The following PTPN4 variants were observed in gnomAD, a reference collection of about 807,000 sequenced individuals.
PTPN4 encodes the protein protein tyrosine phosphatase non-receptor type 4, also known as tyrosine-protein phosphatase non-receptor type 4.
Under a neutral mutation model 135.5 loss-of-function variants are expected in PTPN4, and 49 were observed. That is an observed-to-expected ratio of 0.36 (90% CI 0.29 to 0.46). The LOEUF (loss-of-function observed/expected upper bound fraction) is 0.46. PTPN4 is among the 20% of genes least tolerant of loss of function. The probability of loss-of-function intolerance (pLI) is 1.00; values close to 1 mark genes in which losing one functional copy is unlikely to be tolerated. For synonymous variants in PTPN4, 333 were observed against 369.9 expected (o/e 0.90, Z 1.14); for missense variants, 860 against 1,101.0 (o/e 0.78, Z 3.10).
At chr2:119,871,619 G>A (rs925571319) in intron 3 of PTPN4, among the ~76,000 whole-genome samples, 1 of 152,104 alleles carries the variant, frequency 6.6e-6, no homozygotes, top group Non-Finnish European at 1.5e-5. Context: ...TATGTGAACA[G>A]AGGCTACCTC....
At chr2:119,943,680 G>A (rs1679094058) in intron 15 of PTPN4, among the ~76,000 whole-genome samples, 2 of 134,962 alleles carry the variant, frequency 1.5e-5, no homozygotes, top group Admixed American at 1.8e-4. Flanking sequence ...CCGCCTCCCA[G>A]GTTCACGCCA....
intron 2 of PTPN4, among the ~76,000 whole-genome samples, chr2:119,831,747 T>G (rs1376243740): frequency 6.6e-6 from 1 of 152,226 alleles, no homozygotes; most frequent in Non-Finnish European, 1.5e-5. Context: ...CATTATATTT[T>G]GAGTTTCTTT....
chr2:119,815,088 CAT>C (rs1676966242), intron 2 of PTPN4, among the ~76,000 whole-genome samples: 1 of 152,120 alleles, frequency 6.6e-6, no homozygotes, highest in Non-Finnish European at 1.5e-5. Context: ...TCTTGGGTCT[CAT>C]ATTATATTTG....
intron 16 of PTPN4, among the ~76,000 whole-genome samples, chr2:119,945,710 G>A (rs1392966406): frequency 3.9e-5 from 6 of 152,112 alleles, no homozygotes; most frequent in African/African-American, 1.4e-4. Flanking sequence ...ATCCAAAACA[G>A]TCAGATCTGT....
At chr2:119,969,305 G>A (rs1471844261) in intron 26 of PTPN4, among the ~76,000 whole-genome samples, 1 of 152,140 alleles carries the variant, frequency 6.6e-6, no homozygotes, top group East Asian at 1.9e-4. Context: ...GAGTCACCAT[G>A]CTCAGCTTGG....
At chr2:119,964,079 T>G (rs1679410662) in intron 24 of PTPN4, among the ~76,000 whole-genome samples, 1 of 152,146 alleles carries the variant, frequency 6.6e-6, no homozygotes, top group Non-Finnish European at 1.5e-5. Flanking sequence ...TTGAATACCT[T>G]TTACTTTTAC....
chr2:119,895,281 G>A (rs549520045), intron 9 of PTPN4, among the ~76,000 whole-genome samples: 1 of 152,322 alleles, frequency 6.6e-6, no homozygotes, highest in Admixed American at 6.5e-5. Context: ...ATAACATTGA[G>A]TGGGTTTGCG....
intron 10 of PTPN4, among the ~76,000 whole-genome samples, chr2:119,901,933 G>A (rs1297692818): frequency 1.3e-5 from 2 of 152,150 alleles, no homozygotes; most frequent in African/African-American, 4.8e-5. Context: ...ACCGAAAAGT[G>A]ATGGGAAAAA....
At chr2:119,786,854 T>C (rs1323113088) in intron 1 of PTPN4, among the ~76,000 whole-genome samples, 1 of 152,174 alleles carries the variant, frequency 6.6e-6, no homozygotes, top group Admixed American at 6.5e-5. Context: ...CTGTGATAGA[T>C]TAAAAATGGA....
Position 119,900,806 on chromosome 2 carries a change from G to T in PTPN4, c.764G>T (p.Trp255Leu). The change falls in exon 10 of 27, where the codon TGG becomes TTG. Residue 255 changes from tryptophan to leucine, a missense_variant and splice_region_variant. Trp to Leu is a moderately conservative substitution (Grantham distance 61, BLOSUM62 -2). Around this residue, in one of 2 missense-constraint regions of PTPN4, gnomAD observed 684 missense variants for 807.0 expected, o/e 0.85. Coordinates refer to ENST00000263708, the MANE Select transcript of PTPN4 (RefSeq NM_002830.4). Reference protein sequence around the residue: ...KNRVRMNTFPWLKIVKISFKC... With the variant: ...KNRVRMNTFPLLKIVKISFKC... ...AGGGTACGAATGAATACCTTTCCAT[G>T]GTAAGAACATCTATTGATACTTTTA... The T allele has an allele frequency of 6.6e-7, 1 of 1,514,814 alleles. No individual in the cohort carries two copies. Among genetic ancestry groups the T allele is most frequent in the Non-Finnish European group, 9.0e-7 (1 of 1,110,876 alleles). The allele number at this position is 1,514,814 out of a possible 1,614,324, so 93.8% of individuals were successfully genotyped here. A position where few individuals can be genotyped will look rare whatever the true frequency, so the allele number is the denominator to read the frequency against.
intron 1 of PTPN4, among the ~76,000 whole-genome samples, chr2:119,792,727 T>G (rs1691171389): frequency 6.6e-6 from 1 of 152,162 alleles, no homozygotes; most frequent in Non-Finnish European, 1.5e-5. Flanking sequence ...CTATTTTCCC[T>G]AAGTGTCAGC....
Position 119,858,635 on chromosome 2 carries a change from CA to C in PTPN4, c.139-3900del, listed in dbSNP as rs907516375. The stretch of plus-strand genomic sequence containing the variant: ...GGTTGTTGTCATCTTTTTATTTTTT[CA>C]GTCTGTTTTTTCTGTTGTTCTTTTT... On this transcript the variant is annotated intron_variant, in intron 2 of 26. Transcript: ENST00000263708. Among the ~76,000 whole-genome samples the C allele has an allele frequency of 4.1e-4, 62 of 151,702 alleles. No individual in the cohort carries two copies. The Middle Eastern group carries it at 0.01, about 25-fold the overall frequency.
intron 1 of PTPN4, among the ~76,000 whole-genome samples, chr2:119,809,614 G>T (rs1691540957): frequency 6.6e-6 from 1 of 151,406 alleles, no homozygotes; most frequent in Admixed American, 6.6e-5. Flanking sequence ...TCTTCTGGAT[G>T]GAGCAGTTAA....
intron 3 of PTPN4, among the ~76,000 whole-genome samples, chr2:119,870,156 G>T (rs1335863720): frequency 6.6e-6 from 1 of 152,088 alleles, no homozygotes; most frequent in Non-Finnish European, 1.5e-5. Context: ...ATTATAACTG[G>T]TAAGACTTAG....
intron 3 of PTPN4, among the ~76,000 whole-genome samples, chr2:119,866,323 T>C (rs1249571751): frequency 6.6e-6 from 1 of 152,086 alleles, no homozygotes; most frequent in Admixed American, 6.5e-5. Context: ...ATTGTTGGCC[T>C]GATCTTTCTG....
intron 9 of PTPN4, 78 bp downstream of exon 9, chr2:119,885,960 C>G (rs1678150038): frequency 3.1e-6 from 3 of 982,432 alleles, no homozygotes; most frequent in Non-Finnish European, 4.4e-6. Flanking sequence ...GATTAGATAA[C>G]AAATGGAATA....
At chr2:119,837,525 G>A (rs570524137) in intron 2 of PTPN4, among the ~76,000 whole-genome samples, 2 of 152,262 alleles carry the variant, frequency 1.3e-5, no homozygotes, top group East Asian at 3.9e-4. Flanking sequence ...TCCAGTTGTT[G>A]ACATACCTCA....
At chr2:119,924,087 A>C (rs1049139616) in intron 12 of PTPN4, among the ~76,000 whole-genome samples, 1 of 144,946 alleles carries the variant, frequency 6.9e-6, no homozygotes, top group African/African-American at 2.5e-5. Flanking sequence ...CAGTGAGCCG[A>C]GATGGAGCCA....
rs7597794 is a variant in PTPN4, at chr2:119,772,818, C to T, written c.-18+12434C>T. On this transcript the variant is annotated intron_variant, in intron 1 of 26. Transcript: ENST00000263708. ...CCTCCCAAAGAGCTGGGATTACAGG[C>T]GTGAGCCACCGTGCCTGGCCCTTAA... Among the ~76,000 whole-genome samples, 1,257 of 152,266 alleles carry T rather than the reference C, an allele frequency of 8.3e-3. 17 individuals carry two copies. The highest frequency in any genetic ancestry group is 0.026 in the African/African-American group (1,062 of 41,546).
Sources: allele counts gnomAD v4.1 joint callset (sites outside exome capture counted in the v4.1 genomes callset), GRCh38; gene constraint gnomAD v4.1.1; regional missense constraint gnomAD v4.1.1; transcripts MANE v1.5; gene names NCBI Gene and HGNC (gene_info 2026-07-23, HGNC 2026-07-21).